Variants in MEMO1 observed in about 807,000 individuals in gnomAD.
MEMO1 encodes protein MEMO1.
In MEMO1, 6 loss-of-function variants were observed where a neutral mutation model predicts 45.2. That is an observed-to-expected ratio of 0.13 (90% CI 0.07 to 0.26). The LOEUF is 0.26. MEMO1 is among the 10% of genes least tolerant of loss of function. MEMO1 has a pLI of 1.00. For missense variants in MEMO1, 184 were observed against 370.5 expected (o/e 0.50, Z 4.13); for synonymous variants, 78 against 124.3 (o/e 0.63, Z 2.48).
At chr2:31,973,007 G>A (rs1669587139) in intron 2 of MEMO1, among the ~76,000 whole-genome samples, 1 of 152,182 alleles carries the variant, frequency 6.6e-6, no homozygotes. Context: ...AAAATGGCAA[G>A]TGACAGCTAA....
At chr2:31,938,760 A>G (rs1290222740) in intron 3 of MEMO1, among the ~76,000 whole-genome samples, 1 of 151,782 alleles carries the variant, frequency 6.6e-6, no homozygotes, top group Non-Finnish European at 1.5e-5. Flanking sequence ...ATTAAATAGC[A>G]TAACCCTTTC....
chr2:31,880,423 C>A (rs1382748882), intron 8 of MEMO1, among the ~76,000 whole-genome samples: 1 of 152,182 alleles, frequency 6.6e-6, no homozygotes, highest in African/African-American at 2.4e-5. Context: ...ATGATAAACA[C>A]ACTAAGTAAC....
At chr2:31,955,512 ATACT>A (rs1417552221) in intron 2 of MEMO1, among the ~76,000 whole-genome samples, 2 of 152,222 alleles carry the variant, frequency 1.3e-5, no homozygotes, top group African/African-American at 2.4e-5. Context: ...ACCCTAGGTG[ATACT>A]TAAACTCAAA....
At chr2:31,954,013 A>G (rs1344696135) in intron 2 of MEMO1, among the ~76,000 whole-genome samples, 2 of 152,206 alleles carry the variant, frequency 1.3e-5, no homozygotes, top group African/African-American at 4.8e-5. Flanking sequence ...TTCTAAGACA[A>G]AAGTATTTTG....
chr2:31,888,055 C>A (rs1201982310), intron 7 of MEMO1, among the ~76,000 whole-genome samples: 1 of 151,962 alleles, frequency 6.6e-6, no homozygotes, highest in African/African-American at 2.4e-5. Context: ...GCTGAAAAGA[C>A]TACAGTAAAC....
At chr2:31,903,489 A>C (rs3769612) in intron 6 of MEMO1, among the ~76,000 whole-genome samples, 32,830 of 151,942 alleles carry the variant, frequency 0.22, 3,986 homozygotes, top group Middle Eastern at 0.37. Flanking sequence ...AATATATTCT[A>C]ATCTTCTCAA....
At chr2:31,994,268 T>G (rs1672301980) in intron 2 of MEMO1, among the ~76,000 whole-genome samples, 1 of 151,260 alleles carries the variant, frequency 6.6e-6, no homozygotes, top group Non-Finnish European at 1.5e-5. Flanking sequence ...GCCACCTCAA[T>G]ACTTCTTAAA....
chr2:31,947,603 C>T (rs535649145), intron 2 of MEMO1, among the ~76,000 whole-genome samples: 40 of 152,064 alleles, frequency 2.6e-4, no homozygotes, highest in Non-Finnish European at 4.6e-4. Flanking sequence ...TGTGATCTTG[C>T]CCTTAAGAGG....
chr2:31,943,019 G>A (rs144652236), intron 3 of MEMO1, among the ~76,000 whole-genome samples: 4 of 152,242 alleles, frequency 2.6e-5, no homozygotes, highest in African/African-American at 4.8e-5. Flanking sequence ...CAGGCCAGGC[G>A]TGAGCGAGAC....
chr2:31,973,521 T>C lies in MEMO1; in HGVS notation c.62-30138A>G, dbSNP rs562171188. 4.6e-5 allele frequency among the ~76,000 whole-genome samples: 7 copies of C among 152,170 alleles called. No homozygotes were observed. In the South Asian group the frequency reaches 1.2e-3, roughly 27 times the overall value. On this transcript the variant is annotated intron_variant, in intron 2 of 9. Coordinates refer to ENST00000404530, the MANE Select transcript of MEMO1 (RefSeq NM_001301833.4). Reference sequence around the variant, plus strand: ...AGAGATACTTGTACACAAATACTGATGGCAGCACTATTCACAAAAGCCAAA... The same window carrying C: ...AGAGATACTTGTACACAAATACTGACGGCAGCACTATTCACAAAAGCCAAA...
chr2:31,943,018 C>G (rs1038324100), intron 3 of MEMO1, among the ~76,000 whole-genome samples: 1 of 152,044 alleles, frequency 6.6e-6, no homozygotes, highest in Non-Finnish European at 1.5e-5. Context: ...GCAGGCCAGG[C>G]GTGAGCGAGA....
intron 5 of MEMO1, among the ~76,000 whole-genome samples, chr2:31,919,773 T>C (rs1030514655): frequency 6.6e-6 from 1 of 151,958 alleles, no homozygotes; most frequent in African/African-American, 2.4e-5. Flanking sequence ...CAGTGAACTA[T>C]AATCATGCCA....
intron 2 of MEMO1, among the ~76,000 whole-genome samples, chr2:32,004,903 G>C (rs948134574): frequency 3.3e-5 from 5 of 150,986 alleles, no homozygotes; most frequent in Admixed American, 6.6e-5. Flanking sequence ...CTCCAGCCTG[G>C]GCAACACAGT....
intron 6 of MEMO1, among the ~76,000 whole-genome samples, chr2:31,909,394 A>C: frequency 6.6e-6 from 1 of 151,428 alleles, no homozygotes; most frequent in East Asian, 1.9e-4. Context: ...AGATCTGATA[A>C]ACAAAATCAG....
chr2:31,918,029 C>G lies in MEMO1; in HGVS notation c.334G>C (p.Glu112Gln). 6.2e-7 allele frequency: 1 copy of G among 1,606,510 alleles called. No homozygotes were observed. Among genetic ancestry groups the G allele is most frequent in the Non-Finnish European group, 8.5e-7 (1 of 1,175,754 alleles). The change falls in exon 6 of 10, where the codon GAA becomes CAA. Residue 112 changes from glutamate (E) to glutamine (Q), a missense_variant. Coordinates refer to ENST00000404530, the MANE Select transcript of MEMO1 (RefSeq NM_001301833.4). ...TCAAACATTCCTGTCTTCCACAGTT[C>G]TCCGTAAACTAAAGAGATTTCAAAA... is the stretch of plus-strand genomic sequence containing the variant. Reference protein sequence around the residue: ...DLRIDQKIYGELWKTGMFERM... With the variant: ...DLRIDQKIYGQLWKTGMFERM...
intron 2 of MEMO1, among the ~76,000 whole-genome samples, chr2:31,998,842 C>T (rs1240975839): frequency 6.6e-6 from 1 of 151,996 alleles, no homozygotes; most frequent in African/African-American, 2.4e-5. Flanking sequence ...ATGCTAATCT[C>T]CACTTTTAAA....
At chr2:31,998,130 G>C (rs905349279) in intron 2 of MEMO1, among the ~76,000 whole-genome samples, 7 of 152,124 alleles carry the variant, frequency 4.6e-5, no homozygotes, top group Admixed American at 2.0e-4. Context: ...TCCCACTTCA[G>C]CCTCCACAGT....
intron 2 of MEMO1, among the ~76,000 whole-genome samples, chr2:31,987,379 ATATCATGTGGG>A (rs1167969077): frequency 6.6e-6 from 1 of 152,190 alleles, no homozygotes; most frequent in Non-Finnish European, 1.5e-5. Context: ...GGCATAGGCC[ATATCATGTGGG>A]CTGAAATAAG....
chr2:31,983,817 G>A (rs1670947743), intron 2 of MEMO1, among the ~76,000 whole-genome samples: 1 of 152,208 alleles, frequency 6.6e-6, no homozygotes, highest in Admixed American at 6.5e-5. Flanking sequence ...CCACAGGGCA[G>A]GAAAATATAA....
Sources: gnomAD v4.1 joint callset for allele counts (sites outside exome capture counted in the v4.1 genomes callset) on GRCh38, gnomAD v4.1.1 for gene constraint, MANE v1.5 for transcripts, NCBI Gene and HGNC (gene_info 2026-07-23, HGNC 2026-07-21) for gene names.